Variants in TICRR observed in about 807,000 individuals in gnomAD.
TICRR encodes the protein TOPBP1 interacting checkpoint and replication regulator.
In TICRR, 132 loss-of-function variants were observed where a neutral mutation model predicts 178.1. The observed-to-expected ratio is 0.74, with a 90% CI of 0.64 to 0.86. The LOEUF (loss-of-function observed/expected upper bound fraction) is 0.86. Among genes scored for constraint, TICRR ranks in the 40% least tolerant of loss-of-function variants. TICRR has a pLI of 0.00. For missense variants in TICRR, 2,587 were observed against 2,334.3 expected (o/e 1.11, Z -2.23); for synonymous variants, 991 against 900.7 (o/e 1.10, Z -1.79).
chr15:89,598,444 C>A (rs1457479729), intron 7 of TICRR, among the ~76,000 whole-genome samples: 2 of 152,096 alleles, frequency 1.3e-5, no homozygotes, highest in Non-Finnish European at 2.9e-5. Context: ...CTCACTGCAA[C>A]CTCCGCCTCC....
chr15:89,589,405 G>A (rs1177877354), intron 4 of TICRR, among the ~76,000 whole-genome samples: 2 of 152,146 alleles, frequency 1.3e-5, no homozygotes, highest in African/African-American at 2.4e-5. Context: ...CGAGGGCCTA[G>A]GGCTCCCTCC....
At chr15:89,576,345 T>G in intron 1 of TICRR, 105 bp downstream of exon 1, 2 of 1,063,338 alleles carry the variant, frequency 1.9e-6, no homozygotes, top group South Asian at 3.4e-5. Flanking sequence ...ATGAGACTAA[T>G]ATGACTATGC....
intron 13 of TICRR, among the ~76,000 whole-genome samples, chr15:89,603,892 T>C (rs1963135027): frequency 1.3e-5 from 2 of 152,218 alleles, no homozygotes; most frequent in Admixed American, 1.3e-4. Context: ...TCTCAAAATA[T>C]CTTATTGTAC....
chr15:89,591,234 C>T (rs1962906985), intron 4 of TICRR, among the ~76,000 whole-genome samples: 1 of 152,150 alleles, frequency 6.6e-6, no homozygotes, highest in South Asian at 2.1e-4. Context: ...CAAGCTTCTC[C>T]TGCCTGAACC....
At chr15:89,595,305 CT>C (rs1418789386) in intron 6 of TICRR, 87 bp from the exon 7 acceptor site, 25 of 924,574 alleles carry the variant, frequency 2.7e-5, no homozygotes, top group African/African-American at 3.2e-5. Context: ...TTTTGATATT[CT>C]TTCACAGTAA....
rs772207628 is a variant in TICRR at position 89,595,455 on chromosome 15, T to G, written c.1744T>G (p.Leu582Val). 6.2e-7 allele frequency: 1 copy of G among 1,614,084 alleles called. No individual in the cohort carries two copies. Among genetic ancestry groups the G allele is most frequent in the Non-Finnish European group, 8.5e-7 (1 of 1,180,016 alleles). ...MNTMCRSLKM[L>V]NVARLNVKAQ... Reference sequence around the variant, plus strand: ...TACCATGTGCCGTTCCTTAAAGATGTTGAATGTCGCAAGGCTGAATGTGAA... The same window carrying G: ...TACCATGTGCCGTTCCTTAAAGATGGTGAATGTCGCAAGGCTGAATGTGAA... The change falls in exon 7 of 22, where the codon TTG becomes GTG. Residue 582 changes from leucine to valine, a missense_variant. Physicochemically the swap from Leu to Val is conservative, Grantham distance 32. Transcript: ENST00000268138.
chr15:89,587,765 G>A (rs1430757031), intron 4 of TICRR, among the ~76,000 whole-genome samples: 2 of 152,118 alleles, frequency 1.3e-5, no homozygotes, highest in Admixed American at 6.6e-5. Flanking sequence ...GTGGGAATAC[G>A]TTCAGGAGGG....
chr15:89,577,599 CTTTTTTTT>C lies in TICRR; in HGVS notation c.654+1379_654+1386del, dbSNP rs71151513. ...ATACAGAGTGGTAGTGAGGGAAGGCCTTTTTTTTTTTTTTTTTTTTTTTTTTTGAGACA... is the reference window on the plus strand; with the variant it reads ...ATACAGAGTGGTAGTGAGGGAAGGCCTTTTTTTTTTTTTTTTTTTGAGACA... On this transcript the variant is annotated intron_variant, in intron 1 of 21. Transcript: ENST00000268138. 1.3e-3 allele frequency among the ~76,000 whole-genome samples: 78 copies of C among 60,876 alleles called. 2 individuals are homozygous for C. Among genetic ancestry groups the C allele is most frequent in the South Asian group, 4.6e-3 (5 of 1,090 alleles). The allele number at this position is 60,876 out of a possible 152,430, so 39.9% of individuals were successfully genotyped here.
chr15:89,591,655 G>C (rs900373438), intron 4 of TICRR: 1 of 152,764 alleles, frequency 6.5e-6, no homozygotes, highest in African/African-American at 2.4e-5. Flanking sequence ...CTTGAACCCG[G>C]GAGGCGGAGG....
intron 3 of TICRR, among the ~76,000 whole-genome samples, chr15:89,585,012 C>T (rs1002246860): frequency 6.6e-6 from 1 of 152,188 alleles, no homozygotes; most frequent in African/African-American, 2.4e-5. Flanking sequence ...TGAAAAGGAA[C>T]ATATACATAC....
intron 1 of TICRR, among the ~76,000 whole-genome samples, chr15:89,576,819 G>GTATATATATATATA (rs1962625924): frequency 9.9e-4 from 7 of 7,106 alleles, no homozygotes; most frequent in African/African-American, 1.7e-3. Flanking sequence ...GTATGTGTGT[G>GTATATATATATATA]TGTATATATA....
At chr15:89,595,956 G>C (rs1371655841) in intron 7 of TICRR, among the ~76,000 whole-genome samples, 1 of 151,980 alleles carries the variant, frequency 6.6e-6, no homozygotes, top group African/African-American at 2.4e-5. Context: ...GAGAGCCATA[G>C]ATGATAATCA....
chr15:89,577,118 C>G (rs77107707), intron 1 of TICRR, among the ~76,000 whole-genome samples: 2,700 of 151,934 alleles, frequency 0.018, 76 homozygotes, highest in African/African-American at 0.058. Context: ...GTCTCAAACT[C>G]TGGCCTCAGG....
chr15:89,615,014 C>A (rs968231599), intron 15 of TICRR, among the ~76,000 whole-genome samples: 1 of 152,298 alleles, frequency 6.6e-6, no homozygotes, highest in Non-Finnish European at 1.5e-5. Context: ...CACAGTGCTA[C>A]ACGTGTGTGG....
chr15:89,625,445 G>A lies in TICRR; in HGVS notation c.5135G>A (p.Ser1712Asn). ...RGEVGADLPG[S>N]LSLLESEGKD... ...GAGGTCGGTGCAGACCTTCCTGGGA[G>A]CCTGTCACTGCTTGAGTCAGAGGGC... is the stretch of plus-strand genomic sequence containing the variant. The change falls in exon 20 of 22, where the codon AGC becomes AAC. Residue 1712 changes from serine (S) to asparagine (N), a missense_variant. Coordinates refer to ENST00000268138, the MANE Select transcript of TICRR (RefSeq NM_152259.4). The A allele has an allele frequency of 6.2e-7, 1 of 1,613,968 alleles. No homozygotes were observed. The highest frequency in any genetic ancestry group is 8.5e-7 in the Non-Finnish European group (1 of 1,180,010).
rs369700530 is a variant in TICRR, at chr15:89,585,694, G to A, written c.1177-14G>A. 2 of 1,581,418 alleles carry A rather than the reference G, an allele frequency of 1.3e-6. No individual in the cohort carries two copies. Among genetic ancestry groups the A allele is most frequent in the Non-Finnish European group, 1.7e-6 (2 of 1,150,334 alleles). ...GACAATAATATTCTCAACTAATTAG[G>A]GCTTCTCACGTAGGTTGCTGATGTG... is the stretch of plus-strand genomic sequence containing the variant. On this transcript the variant is annotated splice_polypyrimidine_tract_variant and intron_variant, in intron 3 of 21. Transcript: ENST00000268138.
At chr15:89,581,351 C>G (rs1962721806) in intron 1 of TICRR, among the ~76,000 whole-genome samples, 1 of 152,128 alleles carries the variant, frequency 6.6e-6, no homozygotes, top group Non-Finnish European at 1.5e-5. Flanking sequence ...TATGTTGGTA[C>G]TGTTTTATTC....
In TICRR at chr15:89,624,361, G is replaced by A; in HGVS notation, c.4051G>A (p.Ala1351Thr). ...GCCCCAGATGTCACCCAGCGTAGCT[G>A]CATCTCTCTCCTGCCCTGTTCCCTC... is the stretch of plus-strand genomic sequence containing the variant. ...KEPQMSPSVA[A>T]SLSCPVPSTP... The change falls in exon 20 of 22, where the codon GCA becomes ACA. Residue 1351 changes from alanine to threonine, a missense_variant. Transcript: ENST00000268138. The A allele has an allele frequency of 6.2e-7, 1 of 1,614,104 alleles. No individual in the cohort carries two copies. The highest frequency in any genetic ancestry group is 2.2e-5 in the East Asian group (1 of 44,876).
intron 15 of TICRR, 38 bp downstream of exon 15, chr15:89,608,987 A>C: frequency 1.3e-6 from 2 of 1,524,026 alleles, no homozygotes; most frequent in Non-Finnish European, 1.8e-6. Flanking sequence ...AAGGAAAGGG[A>C]GATTCTGTAA....
Sources: allele counts gnomAD v4.1 joint callset (sites outside exome capture counted in the v4.1 genomes callset), GRCh38; gene constraint gnomAD v4.1.1; transcripts MANE v1.5; gene names NCBI Gene and HGNC (gene_info 2026-07-23, HGNC 2026-07-21).